Variants in ADAM22 observed in about 807,000 individuals in gnomAD.
ADAM22 encodes the protein disintegrin and metalloproteinase domain-containing protein 22.
ADAM22 carries 65 observed loss-of-function variants against 144.6 expected under a neutral mutation model. That is an observed-to-expected ratio of 0.45 (90% CI 0.37 to 0.55). The LOEUF is 0.55. Among genes scored for constraint, ADAM22 ranks in the 20% least tolerant of loss-of-function variants. The pLI, the probability that ADAM22 is intolerant of heterozygous loss-of-function variation, is 0.00. For synonymous variants in ADAM22, 391 were observed against 412.6 expected, an observed-to-expected ratio of 0.95 and a Z score of 0.63; for missense variants, 974 against 1,184.9, an observed-to-expected ratio of 0.82 and a Z score of 2.61.
intron 8 of ADAM22, among the ~76,000 whole-genome samples, chr7:88,126,545 A>G (rs1472852856): frequency 6.6e-6 from 1 of 151,996 alleles, no homozygotes; most frequent in Non-Finnish European, 1.5e-5. Flanking sequence ...TAAGAATTTT[A>G]ACTATATTAA....
intron 2 of ADAM22, among the ~76,000 whole-genome samples, chr7:87,974,196 C>G (rs1022190367): frequency 2.0e-5 from 3 of 149,728 alleles, no homozygotes; most frequent in Non-Finnish European, 3.0e-5. Context: ...CCCAGCTGCT[C>G]GGGAGGCTGA....
intron 2 of ADAM22, among the ~76,000 whole-genome samples, chr7:87,937,023 A>C (rs1301128258): frequency 2.0e-5 from 3 of 152,144 alleles, no homozygotes. Flanking sequence ...TAGCACGATT[A>C]TGGCTCACAG....
At chr7:87,977,150 A>G (rs1852091991) in intron 2 of ADAM22, among the ~76,000 whole-genome samples, 1 of 152,222 alleles carries the variant, frequency 6.6e-6, no homozygotes, top group Non-Finnish European at 1.5e-5. Flanking sequence ...ATGTGTTAGC[A>G]ACAGAAGTAC....
intron 3 of ADAM22, among the ~76,000 whole-genome samples, chr7:88,010,377 G>C (rs113018038): frequency 0.045 from 6,919 of 152,114 alleles, 479 homozygotes; most frequent in African/African-American, 0.15. Flanking sequence ...TTACTGGCTC[G>C]GGTAACAAAC....
intron 2 of ADAM22, among the ~76,000 whole-genome samples, chr7:87,956,969 A>G (rs780513856): frequency 6.6e-6 from 1 of 152,056 alleles, no homozygotes; most frequent in African/African-American, 2.4e-5. Context: ...AGTGGTATAC[A>G]TTTCATTCTG....
rs763498578 is a variant in ADAM22 at position 88,108,187 on chromosome 7, C to G, written c.402C>G (p.His134Gln). 1.2e-6 allele frequency: 2 copies of G among 1,613,272 alleles called. No individual in the cohort carries two copies. The part of the protein sequence containing the change: ...GKTVEVKGGE[H>Q]CYYQGHIRGN... ...ATTTCTGTTTTCAGGGAGGAGAGCA[C>G]TGTTACTACCAGGGCCATATCCGAG... Residue 134 changes from histidine to glutamine, a missense_variant, in exon 5 of 32, where the codon CAC (histidine) becomes CAG (glutamine). Physicochemically the swap from His to Gln is conservative, Grantham distance 24. This residue lies in a region of ADAM22 where 240 missense variants were observed against 234.3 expected (regional missense o/e 1.02). Transcript: ENST00000413139.
intron 30 of ADAM22, among the ~76,000 whole-genome samples, chr7:88,187,377 A>G (rs554160466): frequency 6.6e-6 from 1 of 152,376 alleles, no homozygotes; most frequent in East Asian, 1.9e-4. Context: ...GTTATCTAAT[A>G]CTTCAAATAG....
intron 3 of ADAM22, among the ~76,000 whole-genome samples, chr7:88,012,658 A>G (rs187019396): frequency 5.1e-4 from 78 of 152,294 alleles, no homozygotes; most frequent in African/African-American, 1.9e-3. Flanking sequence ...ATTATACTAG[A>G]GCCCTAGAGC....
chr7:88,042,575 A>G (rs1803428990), intron 3 of ADAM22, among the ~76,000 whole-genome samples: 1 of 152,022 alleles, frequency 6.6e-6, no homozygotes, highest in Admixed American at 6.5e-5. Flanking sequence ...GAAATTGGAA[A>G]TTAATATTTT....
At chr7:88,071,269 G>C in intron 3 of ADAM22, among the ~76,000 whole-genome samples, 1 of 152,046 alleles carries the variant, frequency 6.6e-6, no homozygotes, top group African/African-American at 2.4e-5. Context: ...CAGTGAGATA[G>C]AGTTCTAGAG....
At chr7:88,004,544 C>T (rs2129457656) in intron 3 of ADAM22, among the ~76,000 whole-genome samples, 1 of 152,282 alleles carries the variant, frequency 6.6e-6, no homozygotes, top group Non-Finnish European at 1.5e-5. Flanking sequence ...CAAGAACTTC[C>T]AATATATAAA....
At chr7:88,195,337 C>A (rs945497760) in intron 31 of ADAM22, among the ~76,000 whole-genome samples, 2 of 151,992 alleles carry the variant, frequency 1.3e-5, no homozygotes, top group Non-Finnish European at 2.9e-5. Context: ...GTTATTAGTC[C>A]ATTAAGGTGA....
chr7:88,176,350 C>A (rs1484143869), intron 26 of ADAM22, among the ~76,000 whole-genome samples: 1 of 152,156 alleles, frequency 6.6e-6, no homozygotes, highest in Non-Finnish European at 1.5e-5. Context: ...AGTGAATTTC[C>A]ATCTTTTGGA....
intron 3 of ADAM22, among the ~76,000 whole-genome samples, chr7:87,994,382 C>G (rs1004239702): frequency 6.6e-6 from 1 of 152,182 alleles, no homozygotes; most frequent in South Asian, 2.1e-4. Flanking sequence ...AGGATGGTCT[C>G]GATCTCCTGA....
intron 19 of ADAM22, 38 bp downstream of exon 19, chr7:88,151,069 AC>A: frequency 1.9e-6 from 3 of 1,591,284 alleles, no homozygotes; most frequent in Non-Finnish European, 2.6e-6. Context: ...TTTCACATGT[AC>A]CAGCATGAAA....
chr7:88,171,069 A>G (rs986819690), intron 25 of ADAM22, among the ~76,000 whole-genome samples: 11 of 151,922 alleles, frequency 7.2e-5, no homozygotes, highest in African/African-American at 2.4e-4. Flanking sequence ...ATGTTCTGGT[A>G]TTCATTTATA....
At chr7:88,016,178 T>G (rs1256006641) in intron 3 of ADAM22, among the ~76,000 whole-genome samples, 1 of 152,326 alleles carries the variant, frequency 6.6e-6, no homozygotes, top group South Asian at 2.1e-4. Context: ...CTCTGAGTAA[T>G]CTTCATGCAA....
At chr7:87,987,136 C>T (rs1441222439) in intron 3 of ADAM22, among the ~76,000 whole-genome samples, 1 of 152,114 alleles carries the variant, frequency 6.6e-6, no homozygotes, top group African/African-American at 2.4e-5. Flanking sequence ...ATTAAATCAT[C>T]AGAGCTCACT....
At chr7:88,103,988 C>T (rs1292430633) in intron 4 of ADAM22, among the ~76,000 whole-genome samples, 1 of 152,032 alleles carries the variant, frequency 6.6e-6, no homozygotes, top group Non-Finnish European at 1.5e-5. Flanking sequence ...TAAAATACAC[C>T]TATTCTTTGA....
Sources: allele counts gnomAD v4.1 joint callset (sites outside exome capture counted in the v4.1 genomes callset), GRCh38; gene constraint gnomAD v4.1.1; regional missense constraint gnomAD v4.1.1; transcripts MANE v1.5; gene names NCBI Gene and HGNC (gene_info 2026-07-23, HGNC 2026-07-21).